The following BRD4 variants were observed in gnomAD, a reference collection of about 807,000 sequenced individuals.
The protein encoded by BRD4 is bromodomain containing 4.
In BRD4, 16 loss-of-function variants were observed where a neutral mutation model predicts 142.1. The observed-to-expected ratio is 0.11, with a 90% CI of 0.08 to 0.17. The LOEUF is 0.17. BRD4 is among the 10% of genes least tolerant of loss of function. The pLI, the probability that BRD4 is intolerant of heterozygous loss-of-function variation, is 1.00. For missense variants in BRD4, 1,424 were observed against 1,810.9 expected (o/e 0.79, Z 3.88); for synonymous variants, 833 against 707.5 (o/e 1.18, Z -2.82).
chr19:15,278,864 G>C (rs769204966), intron 1 of BRD4, among the ~76,000 whole-genome samples: 1 of 151,254 alleles, frequency 6.6e-6, no homozygotes, highest in African/African-American at 2.4e-5. Context: ...TTTTTGAGAC[G>C]GAGTTTTGCT....
At chr19:15,284,175 T>C (rs920313921) in intron 1 of BRD4, among the ~76,000 whole-genome samples, 1 of 152,204 alleles carries the variant, frequency 6.6e-6, no homozygotes. Context: ...TGTCAGTATC[T>C]AGACACGCTC....
rs201212276 is a variant in BRD4, at chr19:15,267,480, G to C, written c.495C>G (p.Pro165=). 3 of 1,613,932 alleles carry C rather than the reference G, an allele frequency of 1.9e-6. No homozygotes were observed. In the African/African-American group the frequency reaches 4.0e-5, roughly 22 times the overall value. ...KLFLQKINEL[P]TEETEIMIVQ... ...CTATCATGATCTCGGTTTCTTCTGT[G>C]GGTAGCTCATTTATTTTTTGCAAGA... Residue 165 remains proline, a synonymous_variant, in exon 4 of 20, where the codon CCC becomes CCG. Transcript: ENST00000679869.
Position 15,239,545 on chromosome 19 carries a change from G to A in BRD4, c.3446-23C>T, listed in dbSNP as rs1483309714. Reference sequence around the variant, plus strand: ...GCCCTGGAACATAAACAGCCGGTGGGCCCTGGCCCACCTCACCCCAGTGGG... The same window carrying A: ...GCCCTGGAACATAAACAGCCGGTGGACCCTGGCCCACCTCACCCCAGTGGG... On this transcript the variant is annotated intron_variant, in intron 16 of 19. Coordinates refer to ENST00000679869, the MANE Select transcript of BRD4 (RefSeq NM_001379291.1). The surrounding 1 kb of genome is among the most constrained non-coding windows in gnomAD (Gnocchi z 7.4). 3.8e-6 allele frequency: 6 copies of A among 1,597,376 alleles called. No homozygotes were observed. The highest frequency in any genetic ancestry group is 4.5e-5 in the East Asian group (2 of 44,762).
chr19:15,289,573 A>T (rs1307884209), intron 1 of BRD4, among the ~76,000 whole-genome samples: 3 of 152,028 alleles, frequency 2.0e-5, no homozygotes, highest in South Asian at 2.1e-4. Context: ...ATAAATAAAT[A>T]AAATAAATCA....
chr19:15,247,247 C>G (rs992318564), intron 11 of BRD4: 40 of 231,086 alleles, frequency 1.7e-4, no homozygotes, highest in Non-Finnish European at 2.6e-5. Flanking sequence ...GAGAGGAGTC[C>G]CCATCTGCAC....
Position 15,240,039 on chromosome 19 carries a change from G to A in BRD4, c.3170-17C>T, listed in dbSNP as rs201451134. 2.4e-4 allele frequency: 389 copies of A among 1,601,080 alleles called. 1 individual carries two copies. The highest frequency in any genetic ancestry group is 2.9e-4 in the Non-Finnish European group (346 of 1,173,332). ...GGAGGTGACCTAGGAGAAGGGACAAGGAATGTGTCAAGGGGCTGGCTTAGA... is the reference window on the plus strand; with the variant it reads ...GGAGGTGACCTAGGAGAAGGGACAAAGAATGTGTCAAGGGGCTGGCTTAGA... On this transcript the variant is annotated splice_polypyrimidine_tract_variant and intron_variant, in intron 14 of 19. Transcript: ENST00000679869.
At chr19:15,249,735 G>T (rs1278567196) in intron 11 of BRD4, among the ~76,000 whole-genome samples, 1 of 152,160 alleles carries the variant, frequency 6.6e-6, no homozygotes, top group Non-Finnish European at 1.5e-5. Flanking sequence ...TCACCCAGGG[G>T]CTGTGCACTG....
In BRD4 at chr19:15,265,430, T is replaced by G. The variant is rs1411874812; in HGVS notation, c.773A>C (p.Gln258Pro). 6.7e-7 allele frequency: 1 copy of G among 1,488,838 alleles called. No individual in the cohort carries two copies. Among genetic ancestry groups the G allele is most frequent in the Non-Finnish European group, 9.1e-7 (1 of 1,097,930 alleles). The allele number at this position is 1,488,838 out of a possible 1,614,324, so 92.2% of individuals were successfully genotyped here. A position where few individuals can be genotyped will look rare whatever the true frequency, so the allele number is the denominator to read the frequency against. Residue 258 changes from glutamine (Q) to proline (P), a missense_variant, in exon 5 of 20, where the codon CAA becomes CCA. This residue lies in a region of BRD4 where 140 missense variants were observed against 131.7 expected (regional missense o/e 1.06). Transcript: ENST00000679869. Reference sequence around the variant, plus strand: ...CTGGGGAGCTGGAGCGGGTGGGGGTTGTGGCTGGGGGGGCACTGGCGGGGG... The same window carrying G: ...CTGGGGAGCTGGAGCGGGTGGGGGTGGTGGCTGGGGGGGCACTGGCGGGGG... The part of the protein sequence containing the change: ...QTPPPVPPQP[Q>P]PPPAPAPQPV...
At chr19:15,300,442 C>A (rs1027160937) in intron 1 of BRD4, among the ~76,000 whole-genome samples, 6 of 151,618 alleles carry the variant, frequency 4.0e-5, no homozygotes, top group Non-Finnish European at 7.4e-5. Flanking sequence ...GTAATCCCAG[C>A]TACTTGGGAG....
chr19:15,297,508 A>C (rs1324352550), intron 1 of BRD4, among the ~76,000 whole-genome samples: 1 of 152,184 alleles, frequency 6.6e-6, no homozygotes, highest in Non-Finnish European at 1.5e-5. Flanking sequence ...GTTGCTTTTC[A>C]AGTCTTTTAC....
chr19:15,314,950 C>A (rs534837924), intron 1 of BRD4, among the ~76,000 whole-genome samples: 1 of 152,282 alleles, frequency 6.6e-6, no homozygotes, highest in South Asian at 2.1e-4. Context: ...CGGAATGAGG[C>A]AACAGTGTGT....
chr19:15,327,031 G>T (rs1210190391), intron 1 of BRD4, among the ~76,000 whole-genome samples: 1 of 152,180 alleles, frequency 6.6e-6, no homozygotes, highest in Non-Finnish European at 1.5e-5. Context: ...CATGAAGGCA[G>T]AATACAACAT....
chr19:15,284,996 TCTC>T (rs1402736592), intron 1 of BRD4, among the ~76,000 whole-genome samples: 2 of 152,126 alleles, frequency 1.3e-5, no homozygotes, highest in African/African-American at 2.4e-5. Context: ...GCATGCCTCA[TCTC>T]CTCACTGTGC....
rs145190938 is a variant in BRD4, at chr19:15,255,463, G to A, written c.1881C>T (p.Gly627=). The A allele has an allele frequency of 2.8e-4, 454 of 1,614,164 alleles. No homozygotes were observed. The African/African-American group carries it at 5.4e-3, about 19-fold the overall frequency. ...TGTGCACCACGCGGCCCAGCTTCTC[G>A]CCGGGGAGCTTGTTGATGTCCAAGC... is the stretch of plus-strand genomic sequence containing the variant. ...QLSLDINKLP[G]EKLGRVVHII... The change falls in exon 10 of 20, where the codon GGC becomes GGT. Residue 627 remains glycine (G), a synonymous_variant. Coordinates refer to ENST00000679869, the MANE Select transcript of BRD4 (RefSeq NM_001379291.1).
At position 15,329,507 on chromosome 19, in the gene BRD4, G is replaced by A. The variant is rs187280173; in HGVS notation, c.-35+2783C>T. The stretch of plus-strand genomic sequence containing the variant: ...TGTAAACCCAGTACTTTGGGAGGCC[G>A]AGGCTGGCGGATCACGAGATCAGGA... On this transcript the variant is annotated intron_variant, in intron 1 of 19. Transcript: ENST00000679869. Among the ~76,000 whole-genome samples the A allele has an allele frequency of 1.4e-3, 220 of 152,236 alleles. 3 individuals carry two copies. Among genetic ancestry groups the A allele is most frequent in the Non-Finnish European group, 6.8e-4 (46 of 68,016 alleles).
chr19:15,241,330 C>A (rs1487443256), intron 14 of BRD4, among the ~76,000 whole-genome samples: 1 of 152,234 alleles, frequency 6.6e-6, no homozygotes, highest in African/African-American at 2.4e-5. Flanking sequence ...CTGACCTGGG[C>A]AACGGTAGGC....
At chr19:15,289,060 G>A (rs567993869) in intron 1 of BRD4, among the ~76,000 whole-genome samples, 14 of 152,276 alleles carry the variant, frequency 9.2e-5, no homozygotes, top group Non-Finnish European at 1.3e-4. Context: ...AATGCTTCAC[G>A]TCTTTTACCT....
rs200957651 is a variant in BRD4, at chr19:15,239,674, C to A, written c.3430G>T (p.Val1144Phe). 2 of 1,583,732 alleles carry A rather than the reference C, an allele frequency of 1.3e-6. No individual in the cohort carries two copies. The highest frequency in any genetic ancestry group is 1.7e-6 in the Non-Finnish European group (2 of 1,173,406). Reference sequence around the variant, plus strand: ...GAGCACTCACGCTGGGGCAGGTGGACGGGGGCCTTGATGCTCTCCGGGTGC... The same window carrying A: ...GAGCACTCACGCTGGGGCAGGTGGAAGGGGGCCTTGATGCTCTCCGGGTGC... ...PKHPESIKAP[V>F]HLPQRPEMKP... Residue 1144 changes from valine to phenylalanine, a missense_variant, in exon 16 of 20, where the codon GTC (valine) becomes TTC (phenylalanine). Val to Phe is a conservative substitution (Grantham distance 50). This residue lies in a region of BRD4 where 598 missense variants were observed against 647.8 expected (regional missense o/e 0.92). Transcript: ENST00000679869. The surrounding 1 kb of genome is among the most constrained non-coding windows in gnomAD (Gnocchi z 7.4).
rs57642262 is a variant in BRD4 at position 15,308,115 on chromosome 19, C to CAAA, written c.-35+24172_-35+24174dup. Among the ~76,000 whole-genome samples, 78 of 21,168 alleles carry CAAA rather than the reference C, an allele frequency of 3.7e-3. 2 individuals carry two copies. Among genetic ancestry groups the CAAA allele is most frequent in the African/African-American group, 0.012 (43 of 3,586 alleles). The allele number at this position is 21,168 out of a possible 152,430, so 13.9% of individuals were successfully genotyped here. A position where few individuals can be genotyped will look rare whatever the true frequency, so the allele number is the denominator to read the frequency against. The stretch of plus-strand genomic sequence containing the variant: ...CAAAAGAGTGAGTGAGACTCCGTCT[C>CAAA]AAAAAAAAAAAAAAAAAAAAAGTTG... On this transcript the variant is annotated intron_variant, in intron 1 of 19. Transcript: ENST00000679869.
Sources: gnomAD v4.1 joint callset for allele counts (sites outside exome capture counted in the v4.1 genomes callset) on GRCh38, gnomAD v4.1.1 for gene constraint, gnomAD v4.1.1 regional missense constraint, Gnocchi (gnomAD v3.1) non-coding constraint, MANE v1.5 for transcripts, NCBI Gene and HGNC (gene_info 2026-07-23, HGNC 2026-07-21) for gene names.